The following HFM1 variants were observed in gnomAD, a reference collection of about 807,000 sequenced individuals.
The protein encoded by HFM1 is probable ATP-dependent DNA helicase HFM1.
HFM1 carries 169 observed loss-of-function variants against 192.1 expected under a neutral mutation model. That is an observed-to-expected ratio of 0.88 (90% CI 0.78 to 1.00). HFM1 has a LOEUF of 1.00. Among genes scored for constraint, HFM1 ranks in the 50% least tolerant of loss-of-function variants. The pLI, the probability that HFM1 is intolerant of heterozygous loss-of-function variation, is 0.00. For synonymous variants in HFM1, 525 were observed against 537.8 expected (o/e 0.98, Z 0.33); for missense variants, 1,661 against 1,668.0 (o/e 1.00, Z 0.07).
chr1:91,272,340 C>T (rs142327333), intron 34 of HFM1, among the ~76,000 whole-genome samples: 4 of 151,712 alleles, frequency 2.6e-5, no homozygotes, highest in East Asian at 3.9e-4. Flanking sequence ...TCAGATCCTG[C>T]GAACTTAACT....
intron 4 of HFM1, among the ~76,000 whole-genome samples, chr1:91,387,904 C>A: frequency 1.7e-5 from 2 of 117,722 alleles, no homozygotes; most frequent in Non-Finnish European, 3.5e-5. Context: ...TACCCTAAAA[C>A]TTAGAGTATA....
chr1:91,373,192 A>C (rs1250178553), intron 13 of HFM1, among the ~76,000 whole-genome samples: 4 of 151,528 alleles, frequency 2.6e-5, no homozygotes, highest in African/African-American at 9.7e-5. Context: ...TGGCTCCTCT[A>C]GGCTTGCTAC....
At chr1:91,267,709 C>A in intron 35 of HFM1, 36 bp downstream of exon 35, 1 of 929,040 alleles carries the variant, frequency 1.1e-6, no homozygotes, top group Non-Finnish European at 1.6e-6. Flanking sequence ...TCAAAGAATT[C>A]CTAATGAAAT....
At chr1:91,297,770 C>T (rs1037279754) in intron 30 of HFM1, among the ~76,000 whole-genome samples, 1 of 152,124 alleles carries the variant, frequency 6.6e-6, no homozygotes, top group Non-Finnish European at 1.5e-5. Context: ...GAAAGGACAT[C>T]CACACCAAAA....
chr1:91,383,055 C>G (rs1661750048), intron 6 of HFM1, among the ~76,000 whole-genome samples: 1 of 152,136 alleles, frequency 6.6e-6, no homozygotes, highest in Admixed American at 6.6e-5. Context: ...AGCATTCAGT[C>G]TTCCACTTTA....
At chr1:91,369,843 G>A (rs887374043) in intron 13 of HFM1, among the ~76,000 whole-genome samples, 6 of 152,104 alleles carry the variant, frequency 3.9e-5, no homozygotes, top group Non-Finnish European at 5.9e-5. Flanking sequence ...TAAACCACTA[G>A]CAAGACTAAT....
At chr1:91,387,322 G>A (rs574490909) in intron 4 of HFM1, among the ~76,000 whole-genome samples, 1 of 151,802 alleles carries the variant, frequency 6.6e-6, no homozygotes, top group South Asian at 2.1e-4. Context: ...ATCAAAAAGC[G>A]ACGTCGCTAT....
intron 13 of HFM1, among the ~76,000 whole-genome samples, chr1:91,369,467 A>C (rs943016682): frequency 1.3e-5 from 2 of 152,208 alleles, no homozygotes; most frequent in African/African-American, 4.8e-5. Context: ...GCTCAACTAC[A>C]TGGAAACTGA....
intron 20 of HFM1, among the ~76,000 whole-genome samples, chr1:91,334,439 C>A (rs879876801): frequency 2.0e-5 from 3 of 152,032 alleles, no homozygotes; most frequent in Non-Finnish European, 4.4e-5. Flanking sequence ...AAAGAGCCCT[C>A]AAATGATATT....
Position 91,385,699 on chromosome 1 carries a change from C to T in HFM1, c.630G>A (p.Lys210=). Residue 210 remains lysine (K), a synonymous_variant, in exon 5 of 39, where the codon AAG becomes AAA. Transcript: ENST00000370425. ...CATTTGCAGAATACTGAAATTTTTGCTTACTATTGCTATAGTTCCTTGATT... is the reference window on the plus strand; with the variant it reads ...CATTTGCAGAATACTGAAATTTTTGTTTACTATTGCTATAGTTCCTTGATT... The part of the protein sequence containing the change: ...KGKSRNYSNS[K]QKFQYSANVF... 1 of 1,612,778 alleles carries T rather than the reference C, an allele frequency of 6.2e-7. No homozygotes were observed. Among genetic ancestry groups the T allele is most frequent in the Non-Finnish European group, 8.5e-7 (1 of 1,178,932 alleles).
In HFM1 at chr1:91,314,018, A is replaced by C. The variant is rs1557832722; in HGVS notation, c.3183T>G (p.Ile1061Met). Residue 1061 changes from isoleucine (I) to methionine (M), a missense_variant, in exon 29 of 39, where the codon ATT becomes ATG. Ile to Met is a conservative substitution (Grantham distance 10). Coordinates refer to ENST00000370425, the MANE Select transcript of HFM1 (RefSeq NM_001017975.6). Reference sequence around the variant, plus strand: ...CAGATTTAAGAGCTCTTTTCACAGCAATCTTTTTAGCCCAACTTCCAGCTT... The same window carrying C: ...CAGATTTAAGAGCTCTTTTCACAGCCATCTTTTTAGCCCAACTTCCAGCTT... ...LLKAGSWAKK[I>M]AVKRALKSED... 1 of 1,611,358 alleles carries C rather than the reference A, an allele frequency of 6.2e-7. No individual in the cohort carries two copies.
intron 30 of HFM1, among the ~76,000 whole-genome samples, chr1:91,283,209 T>C (rs879202461): frequency 6.6e-6 from 1 of 152,120 alleles, no homozygotes; most frequent in Admixed American, 6.5e-5. Context: ...CAGATATTGG[T>C]AATTAGAAAG....
chr1:91,285,585 G>A (rs1220536689), intron 30 of HFM1, among the ~76,000 whole-genome samples: 2 of 152,116 alleles, frequency 1.3e-5, no homozygotes, highest in Non-Finnish European at 2.9e-5. Context: ...GTATAATTGT[G>A]TATCTTTATC....
chr1:91,267,320 C>G lies in HFM1; in HGVS notation c.3883+425G>C, dbSNP rs144944188. 4.3e-4 allele frequency among the ~76,000 whole-genome samples: 65 copies of G among 152,138 alleles called. No individual in the cohort carries two copies. The East Asian group carries it at 0.012, about 27-fold the overall frequency. On this transcript the variant is annotated intron_variant, in intron 35 of 38. Coordinates refer to ENST00000370425, the MANE Select transcript of HFM1 (RefSeq NM_001017975.6). ...TTCAAGCTGAAAGTCCATATTTCAA[C>G]TAGAAATAAAAGTTATTTTCTTTGC...
Position 91,350,823 on chromosome 1 carries a change from A to T in HFM1, c.2121T>A (p.His707Gln). ...CAGCAATATTCACATCCGTGATGGT[A>T]TGCAGTACTATCTCTGCATTTAAAT... ...IEHLNAEIVL[H>Q]TITDVNIAVE... The change falls in exon 18 of 39, where the codon CAT becomes CAA. Residue 707 changes from histidine to glutamine, a missense_variant. His to Gln is a conservative substitution (Grantham distance 24). Transcript: ENST00000370425. 11 of 1,607,676 alleles carry T rather than the reference A, an allele frequency of 6.8e-6. No homozygotes were observed. Among genetic ancestry groups the T allele is most frequent in the Non-Finnish European group, 9.4e-6 (11 of 1,175,482 alleles).
At chr1:91,357,750 G>T (rs1255690159) in intron 13 of HFM1, among the ~76,000 whole-genome samples, 1 of 152,166 alleles carries the variant, frequency 6.6e-6, no homozygotes, top group African/African-American at 2.4e-5. Flanking sequence ...ATTCAGTAAA[G>T]TTGCAGGATT....
intron 20 of HFM1, chr1:91,328,984 G>C (rs1570969944): frequency 6.2e-7 from 1 of 1,612,638 alleles, no homozygotes; most frequent in Non-Finnish European, 8.5e-7. Context: ...AAGCCAAAAA[G>C]CTGCCAATCC....
intron 7 of HFM1, among the ~76,000 whole-genome samples, chr1:91,380,482 G>A (rs1201404039): frequency 2.0e-5 from 3 of 152,010 alleles, no homozygotes; most frequent in African/African-American, 2.4e-5. Context: ...GGCTGAGTGC[G>A]ATGGCTTACA....
intron 30 of HFM1, among the ~76,000 whole-genome samples, chr1:91,304,633 A>ATTTTTT (rs58215219): frequency 1.4e-5 from 2 of 140,694 alleles, no homozygotes; most frequent in Non-Finnish European, 3.1e-5. Flanking sequence ...CAGCCGGCTA[A>ATTTTTT]TTTTTTTTTT....
Sources: allele counts gnomAD v4.1 joint callset (sites outside exome capture counted in the v4.1 genomes callset), GRCh38; gene constraint gnomAD v4.1.1; transcripts MANE v1.5; gene names NCBI Gene and HGNC (gene_info 2026-07-23, HGNC 2026-07-21).